DNAJC1: variants seen among roughly 807,000 people sequenced by gnomAD.
The protein encoded by DNAJC1 is dnaJ homolog subfamily C member 1.
Under a neutral mutation model 76.6 loss-of-function variants are expected in DNAJC1, and 58 were observed. The observed-to-expected ratio is 0.76, with a 90% CI of 0.61 to 0.94. DNAJC1 has a LOEUF of 0.94. DNAJC1 is among the 40% of genes least tolerant of loss of function. The pLI, the probability that DNAJC1 is intolerant of heterozygous loss-of-function variation, is 0.00. For missense variants in DNAJC1, 689 were observed against 677.3 expected, an observed-to-expected ratio of 1.02 and a Z score of -0.19; for synonymous variants, 258 against 267.9, an observed-to-expected ratio of 0.96 and a Z score of 0.36.
intron 1 of DNAJC1, among the ~76,000 whole-genome samples, chr10:21,970,632 TCTAAAGGTGA>T (rs1837962275): frequency 2.6e-5 from 4 of 152,004 alleles, no homozygotes. Context: ...AGCATCTCTA[TCTAAAGGTGA>T]TAGACCAAAG....
At chr10:21,847,662 G>A (rs1835681869) in intron 8 of DNAJC1, among the ~76,000 whole-genome samples, 2 of 152,060 alleles carry the variant, frequency 1.3e-5, no homozygotes, top group South Asian at 4.1e-4. Context: ...TTTTTCAGCT[G>A]TCACATATGA....
intron 8 of DNAJC1, among the ~76,000 whole-genome samples, chr10:21,846,309 C>G (rs764683219): frequency 6.6e-6 from 1 of 152,142 alleles, no homozygotes; most frequent in Non-Finnish European, 1.5e-5. Flanking sequence ...ATACCTGCTA[C>G]TTTATTGGAA....
chr10:21,839,938 T>C (rs1835545136), intron 8 of DNAJC1, among the ~76,000 whole-genome samples: 1 of 152,234 alleles, frequency 6.6e-6, no homozygotes, highest in Non-Finnish European at 1.5e-5. Flanking sequence ...GATGCAAGGC[T>C]GGTTCAACAT....
chr10:21,964,708 G>GTT (rs367817626), intron 1 of DNAJC1, among the ~76,000 whole-genome samples: 2 of 133,930 alleles, frequency 1.5e-5, no homozygotes, highest in Non-Finnish European at 1.6e-5. Flanking sequence ...AAGTCTGTTG[G>GTT]TTTTTTTTTT....
intron 1 of DNAJC1, among the ~76,000 whole-genome samples, chr10:21,958,288 T>C (rs1197043284): frequency 2.0e-5 from 3 of 152,342 alleles, no homozygotes; most frequent in East Asian, 3.9e-4. Flanking sequence ...TTAAGTATAA[T>C]TTACAAACCA....
intron 1 of DNAJC1, among the ~76,000 whole-genome samples, chr10:21,972,044 G>A (rs1837988084): frequency 6.6e-6 from 1 of 151,822 alleles, no homozygotes; most frequent in South Asian, 2.1e-4. Flanking sequence ...TACTGTAGTG[G>A]TTTACTGATA....
At position 22,003,460 on chromosome 10, in the gene DNAJC1, G is replaced by A. The variant is rs1838561575; in HGVS notation, c.-26C>T. The A allele has an allele frequency of 1.5e-5, 20 of 1,343,208 alleles. No homozygotes were observed. Among genetic ancestry groups the A allele is most frequent in the Admixed American group, 4.1e-5 (1 of 24,576 alleles). The allele number at this position is 1,343,208 out of a possible 1,614,324, so 83.2% of individuals were successfully genotyped here. On this transcript the variant is annotated 5_prime_UTR_variant, in exon 1 of 12. Coordinates refer to ENST00000376980, the MANE Select transcript of DNAJC1 (RefSeq NM_022365.4). ...CGCGCTGGGCTCGGAAAGGTCACCC[G>A]CCGCGCAGCTCCGTTGGCCGAGAGC...
intron 7 of DNAJC1, among the ~76,000 whole-genome samples, chr10:21,891,071 T>A (rs943898763): frequency 1.3e-5 from 2 of 152,004 alleles, no homozygotes; most frequent in Non-Finnish European, 2.9e-5. Flanking sequence ...ATGCCTGTAA[T>A]CCCAGCTACT....
chr10:21,814,956 A>T (rs1272700594), intron 8 of DNAJC1, among the ~76,000 whole-genome samples: 1 of 152,196 alleles, frequency 6.6e-6, no homozygotes, highest in Non-Finnish European at 1.5e-5. Context: ...GTAATGGGAA[A>T]GCAGATGCTC....
intron 9 of DNAJC1, among the ~76,000 whole-genome samples, chr10:21,797,423 A>G (rs1391912394): frequency 6.6e-6 from 1 of 152,146 alleles, no homozygotes; most frequent in African/African-American, 2.4e-5. Context: ...TGTTCTAGAT[A>G]TTGGGGGTCC....
chr10:21,937,085 T>C (rs1837322321), intron 1 of DNAJC1, among the ~76,000 whole-genome samples: 1 of 152,110 alleles, frequency 6.6e-6, no homozygotes, highest in African/African-American at 2.4e-5. Flanking sequence ...TAAAATGACA[T>C]ATAATGAAAA....
At chr10:21,791,573 A>T (rs1834688677) in intron 9 of DNAJC1, among the ~76,000 whole-genome samples, 1 of 152,246 alleles carries the variant, frequency 6.6e-6, no homozygotes. Flanking sequence ...ACAAAACTAG[A>T]AATCAATACC....
intron 7 of DNAJC1, among the ~76,000 whole-genome samples, chr10:21,896,935 CTGTT>C (rs1836553684): frequency 3.3e-5 from 5 of 152,196 alleles, no homozygotes; most frequent in Non-Finnish European, 5.9e-5. Context: ...TTTTCCCCTT[CTGTT>C]CCTTGTGAGG....
intron 1 of DNAJC1, among the ~76,000 whole-genome samples, chr10:21,942,469 A>G (rs564843939): frequency 1.3e-5 from 2 of 152,300 alleles, no homozygotes; most frequent in South Asian, 4.1e-4. Context: ...AATTTTTAAA[A>G]CACTTTGAGG....
At chr10:21,840,594 A>C (rs1298776104) in intron 8 of DNAJC1, among the ~76,000 whole-genome samples, 2 of 152,200 alleles carry the variant, frequency 1.3e-5, no homozygotes, top group Non-Finnish European at 2.9e-5. Flanking sequence ...TGCTCAACGA[A>C]ATAAAAGAGG....
intron 1 of DNAJC1, among the ~76,000 whole-genome samples, chr10:21,932,398 T>C (rs1187031766): frequency 6.6e-6 from 1 of 152,092 alleles, no homozygotes; most frequent in African/African-American, 2.4e-5. Context: ...ATGGAAACAA[T>C]GCAATGGCAT....
chr10:21,886,700 T>C (rs540144847), intron 7 of DNAJC1, among the ~76,000 whole-genome samples: 27 of 152,250 alleles, frequency 1.8e-4, no homozygotes, highest in African/African-American at 6.3e-4. Flanking sequence ...ATTCTTCACA[T>C]AAACAGAACT....
intron 9 of DNAJC1, among the ~76,000 whole-genome samples, chr10:21,771,616 G>A (rs955512771): frequency 1.3e-5 from 2 of 152,090 alleles, no homozygotes; most frequent in Non-Finnish European, 2.9e-5. Context: ...TCCTGCCTCA[G>A]CCTCCCGAGT....
At chr10:21,901,279 T>G (rs1836648492) in intron 7 of DNAJC1, among the ~76,000 whole-genome samples, 1 of 152,192 alleles carries the variant, frequency 6.6e-6, no homozygotes, top group Non-Finnish European at 1.5e-5. Flanking sequence ...ACTTCTATCC[T>G]TTCCTTTCCT....
Sources: allele counts gnomAD v4.1 joint callset (sites outside exome capture counted in the v4.1 genomes callset), GRCh38; gene constraint gnomAD v4.1.1; transcripts MANE v1.5; gene names NCBI Gene and HGNC (gene_info 2026-07-23, HGNC 2026-07-21).